The following SPECC1 variants were observed in gnomAD, a reference collection of about 807,000 sequenced individuals.
SPECC1 encodes cytospin-B.
Under a neutral mutation model 104.1 loss-of-function variants are expected in SPECC1, and 62 were observed. That is an observed-to-expected ratio of 0.60 (90% CI 0.49 to 0.74). The LOEUF is 0.74. SPECC1 is among the 30% of genes least tolerant of loss of function. The pLI, the probability that SPECC1 is intolerant of heterozygous loss-of-function variation, is 0.00. For missense variants in SPECC1, 1,306 were observed against 1,310.5 expected (o/e 1.00, Z 0.05); for synonymous variants, 513 against 501.6 (o/e 1.02, Z -0.30).
At chr17:20,243,713 G>A (rs1282328621) in intron 7 of SPECC1, among the ~76,000 whole-genome samples, 2 of 152,290 alleles carry the variant, frequency 1.3e-5, no homozygotes, top group East Asian at 3.9e-4. Context: ...CCTGAAGCCT[G>A]AGGTAATTGA....
chr17:20,274,839 T>C (rs1019567937), intron 12 of SPECC1, among the ~76,000 whole-genome samples: 4 of 152,092 alleles, frequency 2.6e-5, no homozygotes, highest in Admixed American at 6.5e-5. Flanking sequence ...TTCATGAAAG[T>C]CCAGGTCACT....
At chr17:20,190,174 G>T (rs942110363) in intron 3 of SPECC1, among the ~76,000 whole-genome samples, 1 of 152,088 alleles carries the variant, frequency 6.6e-6, no homozygotes, top group Non-Finnish European at 1.5e-5. Flanking sequence ...TTATGGCTGT[G>T]CATCTGCTTG....
intron 2 of SPECC1, among the ~76,000 whole-genome samples, chr17:20,109,016 G>C (rs1051202799): frequency 1.2e-4 from 19 of 152,312 alleles, no homozygotes; most frequent in African/African-American, 4.3e-4. Context: ...AGTTATGCCA[G>C]TTTACACTTC....
At chr17:20,272,632 G>A (rs1430740511) in intron 12 of SPECC1, among the ~76,000 whole-genome samples, 1 of 152,206 alleles carries the variant, frequency 6.6e-6, no homozygotes, top group African/African-American at 2.4e-5. Flanking sequence ...GAATCATACA[G>A]TATTTGTCCT....
chr17:20,240,169 A>G (rs2039139051), intron 7 of SPECC1, among the ~76,000 whole-genome samples: 1 of 140,638 alleles, frequency 7.1e-6, no homozygotes, highest in African/African-American at 2.7e-5. Context: ...CTCCCAACTC[A>G]GCCTCCCAAA....
intron 12 of SPECC1, among the ~76,000 whole-genome samples, chr17:20,289,325 G>A (rs1317162369): frequency 6.6e-6 from 1 of 152,060 alleles, no homozygotes; most frequent in Non-Finnish European, 1.5e-5. Context: ...CATATCAGAT[G>A]GAGTCTTGCT....
Position 20,318,157 on chromosome 17 carries a change from A to G in SPECC1, c.*4092A>G, listed in dbSNP as rs7223363. The G allele has an allele frequency of 0.03, 6,836 of 230,826 alleles. 313 individuals carry two copies. Among genetic ancestry groups the G allele is most frequent in the East Asian group, 0.12 (1,928 of 16,290 alleles). The allele number at this position is 230,826 out of a possible 1,614,324, so 14.3% of individuals were successfully genotyped here. A position where few individuals can be genotyped will look rare whatever the true frequency, so the allele number is the denominator to read the frequency against. On this transcript the variant is annotated 3_prime_UTR_variant, in exon 15 of 15. Coordinates refer to ENST00000395527, the MANE Select transcript of SPECC1 (RefSeq NM_001243439.2). ...AGTTGTTCTGAAGATCCTTTTTTTA[A>G]TGTATCATTTTTACATGAAAGACAG...
intron 3 of SPECC1, among the ~76,000 whole-genome samples, chr17:20,189,483 TCTC>T (rs2035508550): frequency 1.3e-5 from 2 of 152,182 alleles, no homozygotes; most frequent in African/African-American, 4.8e-5. Flanking sequence ...CATTCTGGCT[TCTC>T]CTGGAGATGA....
chr17:20,144,839 C>T (rs868721866), intron 3 of SPECC1, among the ~76,000 whole-genome samples: 5 of 152,118 alleles, frequency 3.3e-5, no homozygotes, highest in Admixed American at 6.5e-5. Flanking sequence ...AGGTGTCACA[C>T]GCTAGGAGGA....
chr17:20,141,504 T>C (rs1432653478), intron 3 of SPECC1, among the ~76,000 whole-genome samples: 1 of 152,204 alleles, frequency 6.6e-6, no homozygotes, highest in Non-Finnish European at 1.5e-5. Flanking sequence ...ACATCAAGTC[T>C]TGAAGGCTTA....
At chr17:20,089,868 G>T (rs1216206421) in intron 1 of SPECC1, among the ~76,000 whole-genome samples, 3 of 152,166 alleles carry the variant, frequency 2.0e-5, no homozygotes, top group Non-Finnish European at 4.4e-5. Context: ...AGTCCAAGAT[G>T]ACTGAGGTTT....
chr17:20,131,262 G>C (rs1005289712), intron 3 of SPECC1, among the ~76,000 whole-genome samples: 1 of 152,100 alleles, frequency 6.6e-6, no homozygotes, highest in African/African-American at 2.4e-5. Flanking sequence ...CATGATCTCG[G>C]CTCACTGCAA....
chr17:20,222,052 G>A (rs1431848321), intron 4 of SPECC1, among the ~76,000 whole-genome samples: 3 of 150,998 alleles, frequency 2.0e-5, no homozygotes, highest in Non-Finnish European at 4.4e-5. Flanking sequence ...GGAGTTACAG[G>A]GCCAGGCGTG....
At position 20,231,838 on chromosome 17, in the gene SPECC1, T is replaced by A. The variant is rs2151478559; in HGVS notation, c.2145+7T>A. ...TCTGACCAAGCAGATGAAGGTGAGA[T>A]GCGGGTGGGAGCCTTCACCACCATC... On this transcript the variant is annotated splice_region_variant and intron_variant, in intron 6 of 14. Transcript: ENST00000395527. 1 of 1,613,874 alleles carries A rather than the reference T, an allele frequency of 6.2e-7. No homozygotes were observed. Among genetic ancestry groups the A allele is most frequent in the Non-Finnish European group, 8.5e-7 (1 of 1,179,824 alleles).
At chr17:20,302,443 C>A (rs920298498) in intron 13 of SPECC1, among the ~76,000 whole-genome samples, 1 of 152,106 alleles carries the variant, frequency 6.6e-6, no homozygotes, top group Admixed American at 6.5e-5. Flanking sequence ...GCTTCTGCCT[C>A]CCAGGTGGCC....
At chr17:20,264,672 A>G (rs1296631285) in intron 12 of SPECC1, among the ~76,000 whole-genome samples, 3 of 151,762 alleles carry the variant, frequency 2.0e-5, no homozygotes, top group East Asian at 1.9e-4. Context: ...GGGTTTCGCC[A>G]TGTTGGCTAG....
At chr17:20,191,467 G>A (rs777445638) in intron 3 of SPECC1, among the ~76,000 whole-genome samples, 31 of 147,880 alleles carry the variant, frequency 2.1e-4, no homozygotes, top group Non-Finnish European at 3.4e-4. Context: ...AATTGCCTAC[G>A]GATGTATGAT....
At chr17:20,292,243 C>T (rs2041192693) in intron 12 of SPECC1, among the ~76,000 whole-genome samples, 1 of 152,090 alleles carries the variant, frequency 6.6e-6, no homozygotes, top group African/African-American at 2.4e-5. Flanking sequence ...TTTTCACCTT[C>T]CCAGGGTTTG....
intron 1 of SPECC1, among the ~76,000 whole-genome samples, chr17:20,035,322 A>C (rs193129151): frequency 1.3e-3 from 199 of 152,068 alleles, no homozygotes; most frequent in African/African-American, 3.8e-3. Flanking sequence ...TCTATGTAAA[A>C]TTTTTCTGGG....
Sources: gnomAD v4.1 joint callset for allele counts (sites outside exome capture counted in the v4.1 genomes callset) on GRCh38, gnomAD v4.1.1 for gene constraint, MANE v1.5 for transcripts, NCBI Gene and HGNC (gene_info 2026-07-23, HGNC 2026-07-21) for gene names.